Variants in ASIC2 observed in about 807,000 individuals in gnomAD.
ASIC2 encodes acid sensing ion channel subunit 2, also known as acid-sensing ion channel 2.
A neutral mutation model predicts 57.3 loss-of-function variants in ASIC2; 25 were observed. The ratio of observed to expected loss-of-function variants is 0.44; its 90% confidence interval spans 0.32 to 0.61. The LOEUF (loss-of-function observed/expected upper bound fraction) is 0.61. ASIC2 is among the 20% of genes least tolerant of loss of function. ASIC2 has a pLI of 0.06. For missense variants in ASIC2, 641 were observed against 738.1 expected, an observed-to-expected ratio of 0.87 and a Z score of 1.52; for synonymous variants, 319 against 307.5, an observed-to-expected ratio of 1.04 and a Z score of -0.39.
intron 1 of ASIC2, chr17:34,037,607 C>T (rs1450121776): frequency 1.3e-6 from 2 of 1,571,984 alleles, no homozygotes; most frequent in African/African-American, 1.4e-5. Context: ...CAGTTTGTGG[C>T]CTTGGAGTCA....
At chr17:33,209,943 A>G (rs1263338853) in intron 1 of ASIC2, among the ~76,000 whole-genome samples, 1 of 152,190 alleles carries the variant, frequency 6.6e-6, no homozygotes, top group African/African-American at 2.4e-5. Context: ...AATAGGGAAC[A>G]ACTCCTGACT....
At chr17:33,799,202 T>C (rs1047757647) in intron 1 of ASIC2, among the ~76,000 whole-genome samples, 7 of 151,422 alleles carry the variant, frequency 4.6e-5, no homozygotes, top group Non-Finnish European at 7.4e-5. Context: ...TATATTTGTG[T>C]AATCAGTTCC....
intron 1 of ASIC2, among the ~76,000 whole-genome samples, chr17:33,209,840 C>T (rs71377476): frequency 0.026 from 3,906 of 152,278 alleles, 130 homozygotes; most frequent in East Asian, 0.13. Flanking sequence ...TGCTCACTTC[C>T]TCTGTTTTCC....
At chr17:33,510,440 A>G (rs1914396508) in intron 1 of ASIC2, among the ~76,000 whole-genome samples, 1 of 151,968 alleles carries the variant, frequency 6.6e-6, no homozygotes, top group South Asian at 2.1e-4. Context: ...ATGGCTTGAG[A>G]ATAGGAGTTT....
At chr17:34,047,974 A>G (rs1231444774) in intron 1 of ASIC2, among the ~76,000 whole-genome samples, 5 of 152,204 alleles carry the variant, frequency 3.3e-5, no homozygotes, top group South Asian at 2.1e-4. Context: ...ACTCCACACC[A>G]TATCCTCAAT....
At position 33,917,862 on chromosome 17, in the gene ASIC2, ACACACACACACACACACACGTGCATGTG is replaced by A. The variant is rs1256263512; in HGVS notation, c.555+238088_555+238115del. On this transcript the variant is annotated intron_variant, in intron 1 of 9. Coordinates refer to the ASIC2 transcript ENST00000359872. ...CCAGACCATAAAGCCCGGTACACAC[ACACACACACACACACACACGTGCATGTG>A]CACACACACACACACACACACACAG... 4.8e-5 allele frequency among the ~76,000 whole-genome samples: 7 copies of A among 147,122 alleles called. No individual in the cohort carries two copies. In the East Asian group the frequency reaches 9.6e-4, roughly 20 times the overall value.
At chr17:33,271,718 G>A (rs1286649710) in intron 1 of ASIC2, among the ~76,000 whole-genome samples, 9 of 152,168 alleles carry the variant, frequency 5.9e-5, no homozygotes, top group Non-Finnish European at 1.2e-4. Context: ...CCCATCTCAA[G>A]TATTGCATCT....
intron 1 of ASIC2, among the ~76,000 whole-genome samples, chr17:34,080,142 T>G (rs1909823709): frequency 6.6e-6 from 1 of 152,204 alleles, no homozygotes; most frequent in Admixed American, 6.5e-5. Context: ...CAAAGATAGT[T>G]TCTAAAAGGG....
intron 1 of ASIC2, among the ~76,000 whole-genome samples, chr17:33,453,140 C>T (rs575919360): frequency 5.9e-5 from 9 of 152,212 alleles, no homozygotes; most frequent in Admixed American, 5.2e-4. Flanking sequence ...GCAATTCTCA[C>T]AGTATGTGTA....
chr17:33,807,823 T>A (rs567531259), intron 1 of ASIC2, among the ~76,000 whole-genome samples: 8 of 152,382 alleles, frequency 5.2e-5, no homozygotes, highest in African/African-American at 1.9e-4. Flanking sequence ...ATATGCTTAT[T>A]TTCCATCTGT....
At chr17:33,525,582 C>G (rs1914863922) in intron 1 of ASIC2, among the ~76,000 whole-genome samples, 2 of 152,218 alleles carry the variant, frequency 1.3e-5, no homozygotes, top group Admixed American at 6.5e-5. Flanking sequence ...CACTTTATCT[C>G]CATCTTCCCC....
intron 1 of ASIC2, among the ~76,000 whole-genome samples, chr17:33,320,151 AATGTTTGGATAAAATCAGAAGCTGAAC>A (rs1161156953): frequency 6.6e-6 from 1 of 152,172 alleles, no homozygotes; most frequent in Non-Finnish European, 1.5e-5. Flanking sequence ...CGTGTGAGAA[AATGTTTGGATAAAATCAGAAGCTGAAC>A]ATCTTCCAAA....
chr17:33,189,579 G>T (rs1161945776), intron 1 of ASIC2, among the ~76,000 whole-genome samples: 1 of 152,030 alleles, frequency 6.6e-6, no homozygotes, highest in Non-Finnish European at 1.5e-5. Flanking sequence ...CTGACTTTAG[G>T]CATAAAGATA....
chr17:33,715,536 T>C (rs1167642111), intron 1 of ASIC2, among the ~76,000 whole-genome samples: 1 of 152,168 alleles, frequency 6.6e-6, no homozygotes, highest in African/African-American at 2.4e-5. Flanking sequence ...CAGATATTCA[T>C]TGTTAGACCA....
At chr17:33,728,524 C>T (rs938518207) in intron 1 of ASIC2, among the ~76,000 whole-genome samples, 2 of 152,106 alleles carry the variant, frequency 1.3e-5, no homozygotes, top group Admixed American at 6.6e-5. Flanking sequence ...AGTTATTTAT[C>T]GGTCTGACCT....
At chr17:33,015,345 G>C (rs929469680) in intron 9 of ASIC2, among the ~76,000 whole-genome samples, 35 of 152,210 alleles carry the variant, frequency 2.3e-4, no homozygotes, top group African/African-American at 8.4e-4. Context: ...CAGCCACAGA[G>C]GGGCTGCCCT....
intron 1 of ASIC2, among the ~76,000 whole-genome samples, chr17:33,977,783 C>A (rs985017186): frequency 6.6e-6 from 1 of 152,332 alleles, no homozygotes; most frequent in South Asian, 2.1e-4. Context: ...CCAACAGAAG[C>A]CTCATGACAC....
chr17:33,966,972 CT>C (rs1360985526), intron 1 of ASIC2, among the ~76,000 whole-genome samples: 1 of 152,066 alleles, frequency 6.6e-6, no homozygotes, highest in African/African-American at 2.4e-5. Flanking sequence ...TTCTAGTGTC[CT>C]GTTTTATATC....
In ASIC2 at chr17:33,832,488, C is replaced by T. The variant is rs146302017; in HGVS notation, c.555+323490G>A. On this transcript the variant is annotated intron_variant, in intron 1 of 9. Transcript: ENST00000359872. ...CCTTCTAGACAAAGGCAGTTCAGGACGTTGGAGAGATACACTGGCAGTGAG... is the reference window on the plus strand; with the variant it reads ...CCTTCTAGACAAAGGCAGTTCAGGATGTTGGAGAGATACACTGGCAGTGAG... Among the ~76,000 whole-genome samples, 218 of 152,236 alleles carry T rather than the reference C, an allele frequency of 1.4e-3. 1 individual carries two copies. Among genetic ancestry groups the T allele is most frequent in the African/African-American group, 4.9e-3 (204 of 41,542 alleles).
Sources: gnomAD v4.1 joint callset for allele counts (sites outside exome capture counted in the v4.1 genomes callset) on GRCh38, gnomAD v4.1.1 for gene constraint, MANE v1.5 for transcripts, NCBI Gene and HGNC (gene_info 2026-07-23, HGNC 2026-07-21) for gene names.